Variants in TRIM24 observed in about 807,000 individuals in gnomAD.
TRIM24 encodes the protein tripartite motif containing 24, also known as transcription intermediary factor 1-alpha.
A neutral mutation model predicts 123.9 loss-of-function variants in TRIM24; 29 were observed. The ratio of observed to expected loss-of-function variants is 0.23; its 90% CI spans 0.17 to 0.32. The LOEUF is 0.32. TRIM24 is among the 10% of genes least tolerant of loss of function. The probability of loss-of-function intolerance (pLI) is 1.00; values close to 1 mark genes in which losing one functional copy is unlikely to be tolerated. For synonymous variants in TRIM24, 456 were observed against 461.1 expected (o/e 0.99, Z 0.14); for missense variants, 932 against 1,295.3 (o/e 0.72, Z 4.31).
chr7:138,525,272 C>A lies in TRIM24; in HGVS notation c.796C>A (p.Gln266Lys). The change falls in exon 5 of 19, where the codon CAG becomes AAG. Residue 266 changes from glutamine to lysine, a missense_variant. Transcript: ENST00000343526. ...ATTTATAGAAGAAGCTTTTCAGAAT[C>A]AGAAAGTGATCATAGATACACTAAT... The part of the protein sequence containing the change: ...YQFIEEAFQN[Q>K]KVIIDTLITK... The A allele has an allele frequency of 6.6e-7, 1 of 1,504,856 alleles. No homozygotes were observed. Among genetic ancestry groups the A allele is most frequent in the South Asian group, 1.4e-5 (1 of 70,012 alleles). The allele number at this position is 1,504,856 out of a possible 1,614,324, so 93.2% of individuals were successfully genotyped here.
chr7:138,588,377 G>A lies in TRIM24; in HGVS notation c.*3426G>A, dbSNP rs935607294. 6.6e-6 allele frequency: 1 copy of A among 152,260 alleles called. No homozygotes were observed. Among genetic ancestry groups the A allele is most frequent in the African/African-American group, 2.4e-5 (1 of 41,470 alleles). 9.4% of individuals were successfully genotyped at this position (152,260 alleles called of 1,614,324 possible). ...TTATATGTATTTGTTGTGAATGAGA[G>A]AAATTGAGTGATCTGATTGGCCATT... On this transcript the variant is annotated 3_prime_UTR_variant, in exon 19 of 19. Transcript: ENST00000343526.
intron 11 of TRIM24, 48 bp downstream of exon 11, chr7:138,571,051 C>T (rs778205044): frequency 8.2e-6 from 13 of 1,585,290 alleles, no homozygotes; most frequent in East Asian, 6.7e-5. Flanking sequence ...AACTGTTGGC[C>T]GGGTGCAGTG....
chr7:138,467,624 G>A (rs1246992268), intron 1 of TRIM24, among the ~76,000 whole-genome samples: 1 of 152,158 alleles, frequency 6.6e-6, no homozygotes, highest in Non-Finnish European at 1.5e-5. Context: ...TGACAGGCGT[G>A]AGCCACTGCA....
chr7:138,512,052 C>G (rs983078636), intron 2 of TRIM24, among the ~76,000 whole-genome samples: 1 of 152,176 alleles, frequency 6.6e-6, no homozygotes, highest in African/African-American at 2.4e-5. Flanking sequence ...TTGTGCAAGT[C>G]CAAAACCCAG....
chr7:138,567,601 A>ATAAAGCCAAACCCCC lies in TRIM24; in HGVS notation c.1654_1668dup (p.Lys552_Leu556dup). 1 of 1,613,938 alleles carries ATAAAGCCAAACCCCC rather than the reference A, an allele frequency of 6.2e-7. No individual in the cohort carries two copies. The highest frequency in any genetic ancestry group is 8.5e-7 in the Non-Finnish European group (1 of 1,179,916). On this transcript the variant is annotated inframe_insertion, in exon 10 of 19. Transcript: ENST00000343526. ...AAACCAGAACATACCACGACAAGCA[A>ATAAAGCCAAACCCCC]TAAAGCCAAACCCCCTACAGATGGC... is the stretch of plus-strand genomic sequence containing the variant.
At position 138,587,495 on chromosome 7, in the gene TRIM24, G is replaced by A. The variant is rs929051946; in HGVS notation, c.*2544G>A. On this transcript the variant is annotated 3_prime_UTR_variant, in exon 19 of 19. Coordinates refer to ENST00000343526, the MANE Select transcript of TRIM24 (RefSeq NM_015905.3). ...GTCATCCTTAAATTCTGTTCAAATA[G>A]AAATAAACCATAAAATGAGCCTAAC... 6.6e-6 allele frequency: 1 copy of A among 152,150 alleles called. No homozygotes were observed. The highest frequency in any genetic ancestry group is 1.5e-5 in the Non-Finnish European group (1 of 68,038). 9.4% of individuals were successfully genotyped at this position (152,150 alleles called of 1,614,324 possible).
rs1422176564 is a variant in TRIM24 at position 138,508,692 on chromosome 7, T to TGTGTGCGCGCGCGCGC, written c.483+4285_483+4286insTGTGCGCGCGCGCGCG. ...GTGTGTGTGTGTGTGTGTGTGTGTG[T>TGTGTGCGCGCGCGCGC]GCGCGCGCGTGTGTGCGTGTGTGTG... On this transcript the variant is annotated intron_variant, in intron 2 of 18. Coordinates refer to ENST00000343526, the MANE Select transcript of TRIM24 (RefSeq NM_015905.3). Among the ~76,000 whole-genome samples, 229 of 137,266 alleles carry TGTGTGCGCGCGCGCGC rather than the reference T, an allele frequency of 1.7e-3. 1 individual carries two copies. Among genetic ancestry groups the TGTGTGCGCGCGCGCGC allele is most frequent in the East Asian group, 0.012 (51 of 4,308 alleles). 90.1% of individuals were successfully genotyped at this position (137,266 alleles called of 152,430 possible).
In TRIM24 at chr7:138,525,369, G is replaced by T; in HGVS notation, c.881+12G>T. ...CAGATCCAAAACAGGTAATTTTATG[G>T]TATTATGTAATCATTTTTATATAAT... On this transcript the variant is annotated intron_variant, in intron 5 of 18. Coordinates refer to ENST00000343526, the MANE Select transcript of TRIM24 (RefSeq NM_015905.3). The T allele has an allele frequency of 1.5e-6, 2 of 1,348,326 alleles. No homozygotes were observed. The highest frequency in any genetic ancestry group is 2.0e-6 in the Non-Finnish European group (2 of 1,003,084). 83.5% of individuals were successfully genotyped at this position (1,348,326 alleles called of 1,614,324 possible).
chr7:138,584,687 T>A (rs1310205188), intron 18 of TRIM24, 55 bp from the exon 19 acceptor site: 1 of 1,361,168 alleles, frequency 7.3e-7, no homozygotes, highest in Non-Finnish European at 1.0e-6. Context: ...ATATATATAA[T>A]CTCAGAAGTC....
At chr7:138,534,792 C>A (rs999312680) in intron 6 of TRIM24, among the ~76,000 whole-genome samples, 1 of 152,168 alleles carries the variant, frequency 6.6e-6, no homozygotes, top group African/African-American at 2.4e-5. Context: ...TCTTGTTGAT[C>A]TGTCTGATGT....
At chr7:138,531,422 G>A (rs1055091065) in intron 6 of TRIM24, among the ~76,000 whole-genome samples, 2 of 133,708 alleles carry the variant, frequency 1.5e-5, no homozygotes, top group East Asian at 4.5e-4. Flanking sequence ...CTGTGTCCAA[G>A]TGTTCTCATT....
chr7:138,525,063 C>A (rs2116576233), intron 4 of TRIM24, among the ~76,000 whole-genome samples, 178 bp from the exon 5 acceptor site: 1 of 152,108 alleles, frequency 6.6e-6, no homozygotes. Context: ...CATAATCTTT[C>A]TTGAGGGATA....
chr7:138,460,976 G>C, intron 1 of TRIM24, 64 bp downstream of exon 1: 2 of 1,335,198 alleles, frequency 1.5e-6, no homozygotes, highest in South Asian at 1.8e-5. Flanking sequence ...GGGCGCCCTT[G>C]TGCGGCGCGA....
chr7:138,570,644 GTTTTT>G (rs199636029), intron 10 of TRIM24, among the ~76,000 whole-genome samples, 181 bp from the exon 11 acceptor site: 1 of 135,804 alleles, frequency 7.4e-6, no homozygotes, highest in African/African-American at 2.7e-5. Flanking sequence ...TACTGTTTTG[GTTTTT>G]TTTTTTTTTT....
At chr7:138,508,662 A>AGTGTGTGTGTGT (rs781643258) in intron 2 of TRIM24, among the ~76,000 whole-genome samples, 39 of 112,896 alleles carry the variant, frequency 3.5e-4, no homozygotes, top group African/African-American at 1.1e-3. Flanking sequence ...TAATAAGAGG[A>AGTGTGTGTGTGT]GTGTGTGTGT....
chr7:138,501,090 A>T (rs774356889), intron 1 of TRIM24, among the ~76,000 whole-genome samples: 1 of 152,176 alleles, frequency 6.6e-6, no homozygotes, highest in Non-Finnish European at 1.5e-5. Flanking sequence ...AGAACATTAT[A>T]TACTTTTATA....
chr7:138,570,810 T>G lies in TRIM24; in HGVS notation c.1705-20T>G. ...ATAAGCTTGTTGATAGCCTTTGTTC[T>G]TCTCTTCTTGTTACTGTAGTGGCAG... On this transcript the variant is annotated intron_variant, in intron 10 of 18. Coordinates refer to ENST00000343526, the MANE Select transcript of TRIM24 (RefSeq NM_015905.3). 6.2e-7 allele frequency: 1 copy of G among 1,612,670 alleles called. No homozygotes were observed. Among genetic ancestry groups the G allele is most frequent in the Middle Eastern group, 1.7e-4 (1 of 6,056 alleles).
chr7:138,576,554 ATTTTT>A (rs1797764186), intron 13 of TRIM24, 109 bp downstream of exon 13: 25 of 862,680 alleles, frequency 2.9e-5, no homozygotes, highest in Non-Finnish European at 4.1e-5. Context: ...AATTTCCTTT[ATTTTT>A]AATTAAAATT....
chr7:138,467,467 G>A (rs1795169436), intron 1 of TRIM24, among the ~76,000 whole-genome samples: 2 of 152,258 alleles, frequency 1.3e-5, no homozygotes, highest in South Asian at 4.2e-4. Context: ...TCAGCCTCCT[G>A]AGTAGCTGGG....
Sources: allele counts gnomAD v4.1 joint callset (sites outside exome capture counted in the v4.1 genomes callset), GRCh38; gene constraint gnomAD v4.1.1; transcripts MANE v1.5; gene names NCBI Gene and HGNC (gene_info 2026-07-23, HGNC 2026-07-21).